Variants in DLGAP1 observed in about 807,000 individuals in gnomAD.
DLGAP1 encodes the protein DLG associated protein 1.
Under a neutral mutation model 90.8 loss-of-function variants are expected in DLGAP1, and 11 were observed. The ratio of observed to expected loss-of-function variants is 0.12; its 90% CI spans 0.08 to 0.20. The LOEUF (loss-of-function observed/expected upper bound fraction) is 0.20. Among genes scored for constraint, DLGAP1 ranks in the 10% least tolerant of loss-of-function variants. The pLI, the probability that DLGAP1 is intolerant of heterozygous loss-of-function variation, is 1.00. For synonymous variants in DLGAP1, 558 were observed against 540.7 expected (o/e 1.03, Z -0.44); for missense variants, 1,050 against 1,333.8 (o/e 0.79, Z 3.31).
intron 1 of DLGAP1, among the ~76,000 whole-genome samples, chr18:4,278,014 G>C (rs2079455573): frequency 6.6e-6 from 1 of 151,892 alleles, no homozygotes; most frequent in Non-Finnish European, 1.5e-5. Context: ...TAGACCATTG[G>C]ACGTGTTCAA....
intron 2 of DLGAP1, among the ~76,000 whole-genome samples, chr18:4,115,308 A>C (rs1321601477): frequency 1.3e-5 from 2 of 151,106 alleles, no homozygotes; most frequent in African/African-American, 4.9e-5. Context: ...ACCAAAAAAT[A>C]CATTGTTATA....
intron 4 of DLGAP1, chr18:3,845,511 T>C (rs921142772): frequency 1.4e-5 from 14 of 982,820 alleles, no homozygotes; most frequent in African/African-American, 1.7e-5. Flanking sequence ...CTTAAGTGAA[T>C]ACTTAGTGCA....
intron 4 of DLGAP1, among the ~76,000 whole-genome samples, chr18:3,877,750 G>A (rs1474762604): frequency 2.0e-5 from 3 of 152,026 alleles, no homozygotes; most frequent in Admixed American, 2.0e-4. Flanking sequence ...ACCTTTCTTT[G>A]TGTCTACTTT....
At chr18:4,350,021 CT>C (rs763722037) in intron 1 of DLGAP1, among the ~76,000 whole-genome samples, 25 of 152,116 alleles carry the variant, frequency 1.6e-4, no homozygotes, top group Non-Finnish European at 1.9e-4. Context: ...ACAGAACTTT[CT>C]AAAGGATGCA....
At chr18:4,240,599 T>C (rs1358856742) in intron 1 of DLGAP1, among the ~76,000 whole-genome samples, 1 of 152,166 alleles carries the variant, frequency 6.6e-6, no homozygotes, top group Non-Finnish European at 1.5e-5. Flanking sequence ...TCTTTTCCTA[T>C]ACATAGATAA....
At chr18:3,525,093 A>G (rs2051521931) in intron 10 of DLGAP1, among the ~76,000 whole-genome samples, 1 of 138,994 alleles carries the variant, frequency 7.2e-6, no homozygotes, top group Admixed American at 7.0e-5. Flanking sequence ...TCTGGGGGAA[A>G]AAAAAAAAAA....
chr18:3,934,513 C>CAGAG (rs572044923), intron 3 of DLGAP1, among the ~76,000 whole-genome samples: 22 of 149,870 alleles, frequency 1.5e-4, no homozygotes, highest in African/African-American at 1.2e-4. Flanking sequence ...GAGTGGCAGA[C>CAGAG]AGAGAGAGAG....
chr18:3,615,930 G>A (rs2057843955), intron 7 of DLGAP1, among the ~76,000 whole-genome samples: 1 of 152,184 alleles, frequency 6.6e-6, no homozygotes, highest in African/African-American at 2.4e-5. Context: ...TTTCTATAAA[G>A]TTGGCCTTAA....
chr18:4,388,506 A>C (rs9966310), intron 1 of DLGAP1, among the ~76,000 whole-genome samples: 6,405 of 152,246 alleles, frequency 0.042, 424 homozygotes, highest in African/African-American at 0.15. Flanking sequence ...TAGAGGGTAC[A>C]TATAGTTCAG....
At chr18:4,443,720 C>G (rs1001438523) in intron 1 of DLGAP1, among the ~76,000 whole-genome samples, 1 of 152,196 alleles carries the variant, frequency 6.6e-6, no homozygotes, top group Non-Finnish European at 1.5e-5. Context: ...TTTATCAGCT[C>G]TCTTCGGAGC....
chr18:3,984,497 G>C (rs1427100613), intron 3 of DLGAP1, among the ~76,000 whole-genome samples: 1 of 152,096 alleles, frequency 6.6e-6, no homozygotes, highest in African/African-American at 2.4e-5. Context: ...CTAAGCTCCA[G>C]GTGTCTAAAA....
intron 7 of DLGAP1, among the ~76,000 whole-genome samples, chr18:3,697,321 G>A (rs374364335): frequency 1.5e-4 from 23 of 152,274 alleles, no homozygotes; most frequent in Middle Eastern, 6.8e-3. Context: ...TCTCCTCTGG[G>A]CATTTAGTGC....
intron 3 of DLGAP1, among the ~76,000 whole-genome samples, chr18:3,914,265 C>T (rs1172985255): frequency 1.3e-5 from 2 of 152,166 alleles, no homozygotes; most frequent in Non-Finnish European, 2.9e-5. Flanking sequence ...TCTACGAGCT[C>T]CAGTCTTTTG....
At chr18:4,103,025 G>A (rs187752433) in intron 2 of DLGAP1, among the ~76,000 whole-genome samples, 8 of 152,316 alleles carry the variant, frequency 5.3e-5, no homozygotes, top group South Asian at 2.1e-4. Flanking sequence ...TCTGGGACCT[G>A]CAGGGCCTGC....
At position 3,496,903 on chromosome 18, in the gene DLGAP1, T is replaced by A. The variant is rs748824745; in HGVS notation, c.*2282A>T. ...TAAAATTCTTACCAAAAATAGCTTA[T>A]GAATATACAAATGCCGTTCACTTAG... On this transcript the variant is annotated 3_prime_UTR_variant, in exon 13 of 13. Coordinates refer to ENST00000315677, the MANE Select transcript of DLGAP1 (RefSeq NM_004746.4). 6.6e-6 allele frequency: 1 copy of A among 152,254 alleles called. No homozygotes were observed. The allele number at this position is 152,254 out of a possible 1,614,324, so 9.4% of individuals were successfully genotyped here.
chr18:3,543,389 T>C (rs192364211), intron 9 of DLGAP1, among the ~76,000 whole-genome samples: 350 of 152,148 alleles, frequency 2.3e-3, no homozygotes, highest in Middle Eastern at 0.017. Context: ...ATGGTCTCGA[T>C]CTCCTGACCT....
chr18:4,067,135 T>C (rs1472532685), intron 2 of DLGAP1, among the ~76,000 whole-genome samples: 2 of 151,906 alleles, frequency 1.3e-5, no homozygotes, highest in Admixed American at 1.3e-4. Context: ...TGAGAACACA[T>C]GGACACATAG....
At chr18:3,552,885 T>A (rs1311611876) in intron 9 of DLGAP1, among the ~76,000 whole-genome samples, 1 of 152,226 alleles carries the variant, frequency 6.6e-6, no homozygotes, top group Non-Finnish European at 1.5e-5. Flanking sequence ...CCTGCACTAC[T>A]GGCTTTCGAT....
intron 1 of DLGAP1, among the ~76,000 whole-genome samples, chr18:4,352,798 CTTAT>C (rs1371038540): frequency 1.3e-5 from 2 of 152,160 alleles, no homozygotes; most frequent in African/African-American, 4.8e-5. Flanking sequence ...AGTCTTTACG[CTTAT>C]TTGACTTAAT....
Sources: allele counts gnomAD v4.1 joint callset (sites outside exome capture counted in the v4.1 genomes callset), GRCh38; gene constraint gnomAD v4.1.1; transcripts MANE v1.5; gene names NCBI Gene and HGNC (gene_info 2026-07-23, HGNC 2026-07-21).